Variants in ZFHX3 observed in about 807,000 individuals in gnomAD.
ZFHX3 encodes zinc finger homeobox 3.
Under a neutral mutation model 279.1 loss-of-function variants are expected in ZFHX3, and 42 were observed. The ratio of observed to expected loss-of-function variants is 0.15; its 90% CI spans 0.12 to 0.19. ZFHX3 has a LOEUF of 0.19. ZFHX3 is among the 10% of genes least tolerant of loss of function. ZFHX3 has a pLI of 1.00. For missense variants in ZFHX3, 4,981 were observed against 4,754.0 expected (o/e 1.05, Z -1.40); for synonymous variants, 2,293 against 1,957.8 (o/e 1.17, Z -4.52).
chr16:73,572,026 C>T (rs1380449366), intron 2 of ZFHX3, among the ~76,000 whole-genome samples: 2 of 152,058 alleles, frequency 1.3e-5, no homozygotes, highest in Non-Finnish European at 2.9e-5. Flanking sequence ...CTTTCTGATT[C>T]ATCTTAAGCA....
At chr16:73,834,839 C>A (rs1448343701) in intron 1 of ZFHX3, among the ~76,000 whole-genome samples, 4 of 152,178 alleles carry the variant, frequency 2.6e-5, no homozygotes, top group African/African-American at 9.6e-5. Context: ...TGCAGTGAGC[C>A]TACCAGCACC....
chr16:73,067,264 G>C lies in ZFHX3; in HGVS notation c.-532-8252C>G, dbSNP rs577151058. On this transcript the variant is annotated intron_variant, in intron 8 of 17. Coordinates refer to the ZFHX3 transcript ENST00000641206. The stretch of plus-strand genomic sequence containing the variant: ...CCGCAGCCTGGGAACGCTGCAGCAG[G>C]AAGAATTGCTCATAACGACACTTAA... Among the ~76,000 whole-genome samples the C allele has an allele frequency of 9.2e-5, 14 of 152,332 alleles. 1 individual carries two copies. The South Asian group carries it at 2.9e-3, about 32-fold the overall frequency.
rs1961393257 is a variant in ZFHX3, at chr16:72,958,724, CTCCTCCGCCTCT to C, written c.1410_1421del (p.Ala472_Glu475del). On this transcript the variant is annotated inframe_deletion, in exon 2 of 10. Coordinates refer to ENST00000268489, the MANE Select transcript of ZFHX3 (RefSeq NM_006885.4). The stretch of plus-strand genomic sequence containing the variant: ...CTTCCTCCTCCTCTTCTTCCTCCTC[CTCCTCCGCCTCT>C]TCCTCCTCCTCTTCCTCCTCCGCCT... The C allele has an allele frequency of 1.9e-6, 3 of 1,613,384 alleles. No homozygotes were observed. The highest frequency in any genetic ancestry group is 1.3e-5 in the African/African-American group (1 of 74,860).
chr16:73,787,882 T>C lies in ZFHX3; in HGVS notation c.-1608+103769A>G, dbSNP rs1257337161. On this transcript the variant is annotated intron_variant, in intron 1 of 17. Transcript: ENST00000641206. ...GAGAGAGAGAGAGAGAGAGAGAATG[T>C]AGGGGAATGCACATCATTCTGTCCA... is the stretch of plus-strand genomic sequence containing the variant. Among the ~76,000 whole-genome samples, 3 of 148,156 alleles carry C rather than the reference T, an allele frequency of 2.0e-5. No individual in the cohort carries two copies. The Admixed American group carries it at 2.0e-4, about 10-fold the overall frequency.
chr16:73,000,548 G>C (rs1468934661), intron 1 of ZFHX3, among the ~76,000 whole-genome samples: 1 of 152,106 alleles, frequency 6.6e-6, no homozygotes. Context: ...TGGTGGCATT[G>C]AGACACACAA....
chr16:73,025,384 G>C (rs1295147014), intron 1 of ZFHX3, among the ~76,000 whole-genome samples: 2 of 152,156 alleles, frequency 1.3e-5, no homozygotes, highest in South Asian at 2.1e-4. Context: ...TCTGGGAATG[G>C]ATTTGATGTC....
At chr16:73,725,724 G>A (rs757872770) in intron 1 of ZFHX3, among the ~76,000 whole-genome samples, 1 of 152,112 alleles carries the variant, frequency 6.6e-6, no homozygotes, top group Non-Finnish European at 1.5e-5. Flanking sequence ...ACAACATTAA[G>A]CACATGATGT....
chr16:73,802,448 C>A (rs773932317), intron 1 of ZFHX3, among the ~76,000 whole-genome samples: 1 of 152,204 alleles, frequency 6.6e-6, no homozygotes, highest in African/African-American at 2.4e-5. Flanking sequence ...TCAAAAGTCT[C>A]ATTTTGTGGT....
At chr16:73,006,447 A>AC (rs1963703615) in intron 1 of ZFHX3, among the ~76,000 whole-genome samples, 1 of 151,408 alleles carries the variant, frequency 6.6e-6, no homozygotes, top group East Asian at 1.9e-4. Context: ...ACATAGTGAG[A>AC]CCCCAATCTC....
At chr16:73,626,009 C>G (rs764582396) in intron 2 of ZFHX3, among the ~76,000 whole-genome samples, 7 of 152,174 alleles carry the variant, frequency 4.6e-5, no homozygotes, top group Non-Finnish European at 8.8e-5. Context: ...AGGTGCCCAC[C>G]ACCACGCCTG....
chr16:72,958,689 T>C lies in ZFHX3; in HGVS notation c.1457A>G (p.Glu486Gly). 1 of 1,611,398 alleles carries C rather than the reference T, an allele frequency of 6.2e-7. No individual in the cohort carries two copies. The change falls in exon 2 of 10, where the codon GAG becomes GGG. Residue 486 changes from glutamate (E) to glycine (G), a missense_variant. Around this residue, in one of 7 missense-constraint regions of ZFHX3, gnomAD observed 1,068 missense variants for 935.2 expected, o/e 1.14. Coordinates refer to ENST00000268489, the MANE Select transcript of ZFHX3 (RefSeq NM_006885.4). ...GAGTCCTTTGCAACCCTCGTCTTCC[T>C]CCTCCTCTTCTTCCTCCTCCTCTTC... The part of the protein sequence containing the change: ...EEEEEEEEEE[E>G]EDEGCKGLFP...
At chr16:72,802,648 G>A (rs1313571661) in intron 7 of ZFHX3, among the ~76,000 whole-genome samples, 1 of 152,202 alleles carries the variant, frequency 6.6e-6, no homozygotes, top group Non-Finnish European at 1.5e-5. Flanking sequence ...CTAAGGATCT[G>A]GAAATTCAGG....
chr16:73,631,311 C>A (rs778581717), intron 2 of ZFHX3, among the ~76,000 whole-genome samples: 1 of 152,032 alleles, frequency 6.6e-6, no homozygotes, highest in African/African-American at 2.4e-5. Flanking sequence ...TTTAACAACT[C>A]GAAATGTAGC....
chr16:72,916,012 T>C (rs1010960971), intron 3 of ZFHX3, among the ~76,000 whole-genome samples: 1 of 152,212 alleles, frequency 6.6e-6, no homozygotes, highest in Non-Finnish European at 1.5e-5. Context: ...GAGAGGCATA[T>C]TTTCTGATTT....
chr16:73,390,344 T>C lies in ZFHX3; in HGVS notation c.-1291+65659A>G, dbSNP rs566951120. Among the ~76,000 whole-genome samples the C allele has an allele frequency of 3.3e-5, 5 of 152,224 alleles. No individual in the cohort carries two copies. In the East Asian group the frequency reaches 7.7e-4, roughly 24 times the overall value. ...TGCTGAGAGTTCACCAGTGAAGTGT[T>C]AGAAGCTTCTGGAGGGCAGGAGCAG... is the stretch of plus-strand genomic sequence containing the variant. On this transcript the variant is annotated intron_variant, in intron 3 of 17. Transcript: ENST00000641206.
chr16:73,630,959 G>C (rs1246482213), intron 2 of ZFHX3, among the ~76,000 whole-genome samples: 1 of 152,332 alleles, frequency 6.6e-6, no homozygotes, highest in African/African-American at 2.4e-5. Flanking sequence ...GGTAATAAGA[G>C]CCTGGTTGCT....
At position 73,330,513 on chromosome 16, in the gene ZFHX3, G is replaced by A. The variant is rs77962977; in HGVS notation, c.-1290-12177C>T. On this transcript the variant is annotated intron_variant, in intron 3 of 17. Transcript: ENST00000641206. ...CATGGGGAATGCAATAGGGGCAAAC[G>A]TCAGGATTTTGTAGTCAGAAACTGC... Among the ~76,000 whole-genome samples, 1,258 of 152,292 alleles carry A rather than the reference G, an allele frequency of 8.3e-3. 17 individuals are homozygous for A. Among genetic ancestry groups the A allele is most frequent in the African/African-American group, 0.029 (1,201 of 41,562 alleles).
chr16:73,212,500 A>T (rs1253638460), intron 5 of ZFHX3, among the ~76,000 whole-genome samples: 1 of 152,194 alleles, frequency 6.6e-6, no homozygotes, highest in Non-Finnish European at 1.5e-5. Flanking sequence ...GCTATCATAA[A>T]CAATCCTGCT....
In ZFHX3 at chr16:73,367,732, C is replaced by G. The variant is rs143992024; in HGVS notation, c.-1290-49396G>C. 6.7e-3 allele frequency among the ~76,000 whole-genome samples: 1,013 copies of G among 152,294 alleles called. 4 individuals are homozygous for G. Among genetic ancestry groups the G allele is most frequent in the Admixed American group, 0.011 (168 of 15,300 alleles). On this transcript the variant is annotated intron_variant, in intron 3 of 17. Transcript: ENST00000641206. Reference sequence around the variant, plus strand: ...ATCCTCTGAGCCTCATTCTTCCCATCTGTAAAATGGGTGGCATTACTTATT... The same window carrying G: ...ATCCTCTGAGCCTCATTCTTCCCATGTGTAAAATGGGTGGCATTACTTATT...
Sources: allele counts gnomAD v4.1 joint callset (sites outside exome capture counted in the v4.1 genomes callset), GRCh38; gene constraint gnomAD v4.1.1; regional missense constraint gnomAD v4.1.1; transcripts MANE v1.5; gene names NCBI Gene and HGNC (gene_info 2026-07-23, HGNC 2026-07-21).